The following CALML4 variants were observed in gnomAD, a reference collection of about 807,000 sequenced individuals.
CALML4 encodes calmodulin-like protein 4.
In CALML4, 16 loss-of-function variants were observed where a neutral mutation model predicts 17.9. That is an observed-to-expected ratio of 0.89 (90% CI 0.61 to 1.36). CALML4 has a LOEUF of 1.36. Among genes scored for constraint, CALML4 ranks in the 40% most tolerant of loss-of-function variants. CALML4 has a pLI of 0.00. For missense variants in CALML4, 203 were observed against 194.8 expected (o/e 1.04, Z -0.25); for synonymous variants, 86 against 71.5 (o/e 1.20, Z -1.02).
chr15:68,199,702 G>A, intron 2 of CALML4, 21 bp from the exon 3 acceptor site: 2 of 1,607,146 alleles, frequency 1.2e-6, no homozygotes, highest in Non-Finnish European at 1.7e-6. Flanking sequence ...CCCAGAGGGA[G>A]GGTCAGCAGC....
At chr15:68,194,878 T>TGC (rs548023963) in intron 4 of CALML4, among the ~76,000 whole-genome samples, 67 of 150,914 alleles carry the variant, frequency 4.4e-4, no homozygotes, top group African/African-American at 1.5e-3. Flanking sequence ...TCACCACCTC[T>TGC]GCCCCCACCC....
In CALML4 at chr15:68,205,005, G is replaced by T; in HGVS notation, c.34+116C>A. On this transcript the variant is annotated intron_variant, in intron 2 of 4. Coordinates refer to ENST00000467889, the MANE Select transcript of CALML4 (RefSeq NM_033429.3). The surrounding 1 kb of genome is among the most constrained non-coding windows in gnomAD (Gnocchi z 4.8). ...CTCCCCGCAGCTCTTGGCCCTGGGT[G>T]GGCCCAGCTCTCCCACAGCCACCTT... 8.0e-7 allele frequency: 1 copy of T among 1,252,232 alleles called. No homozygotes were observed. The highest frequency in any genetic ancestry group is 1.5e-5 in the African/African-American group (1 of 67,222). The allele number at this position is 1,252,232 out of a possible 1,614,324, so 77.6% of individuals were successfully genotyped here. A position where few individuals can be genotyped will look rare whatever the true frequency, so the allele number is the denominator to read the frequency against.
Position 68,200,932 on chromosome 15 carries a change from G to A in CALML4, c.35-1251C>T, listed in dbSNP as rs973650865. On this transcript the variant is annotated intron_variant, in intron 2 of 4. Transcript: ENST00000467889. This position sits in a 1 kb window ranked among gnomAD's most constrained non-coding sequence, Gnocchi z 4.3. The stretch of plus-strand genomic sequence containing the variant: ...TGGAACACTGAGAGCCTGGCTGTGG[G>A]CAGCTCTGCCCACCAGGCCACACTG... Among the ~76,000 whole-genome samples, 1 of 152,126 alleles carries A rather than the reference G, an allele frequency of 6.6e-6. No homozygotes were observed. The highest frequency in any genetic ancestry group is 2.4e-5 in the African/African-American group (1 of 41,428).
Position 68,191,515 on chromosome 15 carries a change from T to C in CALML4, c.*2500A>G, listed in dbSNP as rs1171652572. The C allele has an allele frequency of 2.6e-5, 4 of 152,672 alleles. No homozygotes were observed. The highest frequency in any genetic ancestry group is 4.4e-5 in the Non-Finnish European group (3 of 68,044). The allele number at this position is 152,672 out of a possible 1,614,324, so 9.5% of individuals were successfully genotyped here. A position where few individuals can be genotyped will look rare whatever the true frequency, so the allele number is the denominator to read the frequency against. ...TGGATGTTCAAGGGGACAATCCCTA[T>C]GAGACAAGTGATAATGGTTTGTGCT... On this transcript the variant is annotated 3_prime_UTR_variant, in exon 5 of 5. Coordinates refer to ENST00000467889, the MANE Select transcript of CALML4 (RefSeq NM_033429.3).
Position 68,197,331 on chromosome 15 carries a change from T to A in CALML4, c.364+109A>T. 1 of 1,030,672 alleles carries A rather than the reference T, an allele frequency of 9.7e-7. No homozygotes were observed. The highest frequency in any genetic ancestry group is 2.4e-5 in the East Asian group (1 of 41,914). The allele number at this position is 1,030,672 out of a possible 1,614,324, so 63.8% of individuals were successfully genotyped here. On this transcript the variant is annotated intron_variant, in intron 4 of 4. Coordinates refer to ENST00000467889, the MANE Select transcript of CALML4 (RefSeq NM_033429.3). This position sits in a 1 kb window ranked among gnomAD's most constrained non-coding sequence, Gnocchi z 4.1. ...CTGCTCACAGTCTCCTGCGCGCGCA[T>A]CAACAGAGGTGGTCTGTACCACCCT...
In CALML4 at chr15:68,191,265, CTT is replaced by C. The variant is rs1253100947; in HGVS notation, c.*2748_*2749del. On this transcript the variant is annotated 3_prime_UTR_variant, in exon 5 of 5. Coordinates refer to ENST00000467889, the MANE Select transcript of CALML4 (RefSeq NM_033429.3). ...AAATCTGTGATTCATTGCCTTAAAACTTTCTCTCTTAGAATTTCCATACCGCA... is the reference window on the plus strand; with the variant it reads ...AAATCTGTGATTCATTGCCTTAAAACTCTCTCTTAGAATTTCCATACCGCA... 6.6e-6 allele frequency: 1 copy of C among 152,620 alleles called. No individual in the cohort carries two copies. The highest frequency in any genetic ancestry group is 1.5e-5 in the Non-Finnish European group (1 of 68,028). 9.5% of individuals were successfully genotyped at this position (152,620 alleles called of 1,614,324 possible). A position where few individuals can be genotyped will look rare whatever the true frequency, so the allele number is the denominator to read the frequency against.
In CALML4 at chr15:68,205,127, T is replaced by A. The variant is rs1312512675; in HGVS notation, c.28A>T (p.Ile10Phe). Residue 10 changes from isoleucine (I) to phenylalanine (F), a missense_variant, in exon 2 of 5, where the codon ATT becomes TTT. Ile to Phe is a conservative substitution (Grantham distance 21). Transcript: ENST00000467889. This position sits in a 1 kb window ranked among gnomAD's most constrained non-coding sequence, Gnocchi z 4.8. The part of the protein sequence containing the change: MAKFLSQDQ[I>F]NEYKECFSLY... ...AAGAACAAACCCAACCTACCATTAA[T>A]TTGGTCTTGGGAAAGAAACTTGGCC... The A allele has an allele frequency of 6.2e-7, 1 of 1,614,014 alleles. No homozygotes were observed. Among genetic ancestry groups the A allele is most frequent in the Admixed American group, 1.7e-5 (1 of 60,010 alleles).
At position 68,193,559 on chromosome 15, in the gene CALML4, T is replaced by C. The variant is rs1381138763; in HGVS notation, c.*456A>G. On this transcript the variant is annotated 3_prime_UTR_variant, in exon 5 of 5. Coordinates refer to ENST00000467889, the MANE Select transcript of CALML4 (RefSeq NM_033429.3). Reference sequence around the variant, plus strand: ...TGGAAAATCTTGGAAATATGGAAGATGGTTCTAGCCCCCAAATACAGAATA... The same window carrying C: ...TGGAAAATCTTGGAAATATGGAAGACGGTTCTAGCCCCCAAATACAGAATA... 6.5e-6 allele frequency: 1 copy of C among 153,914 alleles called. No individual in the cohort carries two copies. The highest frequency in any genetic ancestry group is 1.4e-5 in the Non-Finnish European group (1 of 69,244). 9.5% of individuals were successfully genotyped at this position (153,914 alleles called of 1,614,324 possible). A position where few individuals can be genotyped will look rare whatever the true frequency, so the allele number is the denominator to read the frequency against.
Position 68,193,858 on chromosome 15 carries a change from C to G in CALML4, c.*157G>C. ...GATCTACTCATACCATGGCTGAAAT[C>G]ATCTATTATTGTTGCTAGTTAGCCT... On this transcript the variant is annotated 3_prime_UTR_variant, in exon 5 of 5. Transcript: ENST00000467889. The G allele has an allele frequency of 1.7e-6, 1 of 596,854 alleles. No individual in the cohort carries two copies. 37.0% of individuals were successfully genotyped at this position (596,854 alleles called of 1,614,324 possible). A position where few individuals can be genotyped will look rare whatever the true frequency, so the allele number is the denominator to read the frequency against.
At chr15:68,199,440 C>CAGAGAG in intron 3 of CALML4, 101 bp downstream of exon 3, 1 of 1,335,370 alleles carries the variant, frequency 7.5e-7, no homozygotes, top group Non-Finnish European at 1.0e-6. Flanking sequence ...GGAGGCCTCC[C>CAGAGAG]TGCCACCTGC....
In CALML4 at chr15:68,193,916, CTG is replaced by C. The variant is rs1201031293; in HGVS notation, c.*97_*98del. 6.5e-6 allele frequency: 5 copies of C among 766,136 alleles called. No homozygotes were observed. The highest frequency in any genetic ancestry group is 8.8e-6 in the Non-Finnish European group (4 of 452,358). The allele number at this position is 766,136 out of a possible 1,614,324, so 47.5% of individuals were successfully genotyped here. On this transcript the variant is annotated 3_prime_UTR_variant, in exon 5 of 5. Transcript: ENST00000467889. The stretch of plus-strand genomic sequence containing the variant: ...ATAGTTGGGTAATGTTGTCTTGCCA[CTG>C]TGTTTGCCATCTCTCCCAAGTGAAA...
In CALML4 at chr15:68,194,126, CATTTA is replaced by C. The variant is rs751864580; in HGVS notation, c.365-19_365-15del. ...AGAGATCATCCACTGCAATAAATCACATTTAATTTTTCAGTTTGGCTTTAGTGTTC... is the reference window on the plus strand; with the variant it reads ...AGAGATCATCCACTGCAATAAATCACATTTTTCAGTTTGGCTTTAGTGTTC... On this transcript the variant is annotated splice_polypyrimidine_tract_variant and intron_variant, in intron 4 of 4. Coordinates refer to ENST00000467889, the MANE Select transcript of CALML4 (RefSeq NM_033429.3). 5.1e-5 allele frequency: 81 copies of C among 1,603,702 alleles called. No individual in the cohort carries two copies. Among genetic ancestry groups the C allele is most frequent in the Non-Finnish European group, 6.4e-5 (75 of 1,171,002 alleles).
At position 68,192,659 on chromosome 15, in the gene CALML4, C is replaced by T. The variant is rs1179129362; in HGVS notation, c.*1356G>A. The T allele has an allele frequency of 6.6e-6, 1 of 152,220 alleles. No homozygotes were observed. The highest frequency in any genetic ancestry group is 1.5e-5 in the Non-Finnish European group (1 of 68,056). 9.4% of individuals were successfully genotyped at this position (152,220 alleles called of 1,614,324 possible). A position where few individuals can be genotyped will look rare whatever the true frequency, so the allele number is the denominator to read the frequency against. On this transcript the variant is annotated 3_prime_UTR_variant, in exon 5 of 5. Transcript: ENST00000467889. ...AGACAGTTGCACTAACACTACAACT[C>T]TTGTTCCCTGCAGTTTTCCCTGTGC...
intron 4 of CALML4, among the ~76,000 whole-genome samples, 165 bp from the exon 5 acceptor site, chr15:68,194,277 C>T (rs1490223094): frequency 1.3e-5 from 2 of 152,190 alleles, no homozygotes; most frequent in African/African-American, 2.4e-5. Context: ...CAACCCATCC[C>T]TGCACTCCTG....
rs1257450486 is a variant in CALML4, at chr15:68,199,428, CAGG to C, written c.175+110_175+112del. 5.7e-6 allele frequency: 7 copies of C among 1,225,746 alleles called. No homozygotes were observed. In the East Asian group the frequency reaches 1.0e-4, roughly 18 times the overall value. 75.9% of individuals were successfully genotyped at this position (1,225,746 alleles called of 1,614,324 possible). The stretch of plus-strand genomic sequence containing the variant: ...TCTGGGGCTGCCACAGCTGGATCCC[CAGG>C]AGGCCTCCCTGCCACCTGCCCCTCA... On this transcript the variant is annotated intron_variant, in intron 3 of 4. Coordinates refer to ENST00000467889, the MANE Select transcript of CALML4 (RefSeq NM_033429.3).
rs374439450 is a variant in CALML4 at position 68,192,567 on chromosome 15, T to C, written c.*1448A>G. 1.3e-5 allele frequency: 2 copies of C among 152,200 alleles called. No individual in the cohort carries two copies. Among genetic ancestry groups the C allele is most frequent in the African/African-American group, 4.8e-5 (2 of 41,450 alleles). 9.4% of individuals were successfully genotyped at this position (152,200 alleles called of 1,614,324 possible). Reference sequence around the variant, plus strand: ...GGAATTCCTCCTCTCCTTGCAGTTATGCTTGGGGAAATGAGAGTCTCCTTC... The same window carrying C: ...GGAATTCCTCCTCTCCTTGCAGTTACGCTTGGGGAAATGAGAGTCTCCTTC... On this transcript the variant is annotated 3_prime_UTR_variant, in exon 5 of 5. Coordinates refer to ENST00000467889, the MANE Select transcript of CALML4 (RefSeq NM_033429.3).
At chr15:68,203,706 C>T (rs1421507773) in intron 2 of CALML4, among the ~76,000 whole-genome samples, 1 of 152,200 alleles carries the variant, frequency 6.6e-6, no homozygotes, top group African/African-American at 2.4e-5. Context: ...TCGCAGCAGC[C>T]TGGTAAGGTG....
At chr15:68,203,192 C>A (rs1304134159) in intron 2 of CALML4, among the ~76,000 whole-genome samples, 1 of 152,086 alleles carries the variant, frequency 6.6e-6, no homozygotes, top group African/African-American at 2.4e-5. Context: ...TCAGGTGATC[C>A]ACATGCCTCG....
In CALML4 at chr15:68,205,226, C is replaced by T. The variant is rs201557113; in HGVS notation, c.3+19G>A. On this transcript the variant is annotated intron_variant, in intron 1 of 4. Coordinates refer to ENST00000467889, the MANE Select transcript of CALML4 (RefSeq NM_033429.3). This position sits in a 1 kb window ranked among gnomAD's most constrained non-coding sequence, Gnocchi z 4.8. Reference sequence around the variant, plus strand: ...ACGCCCCCAGCCCTGGCCAGGCCGACACAGACCCTCACACTCACCATTCTG... The same window carrying T: ...ACGCCCCCAGCCCTGGCCAGGCCGATACAGACCCTCACACTCACCATTCTG... The T allele has an allele frequency of 1.0e-4, 161 of 1,614,142 alleles. No homozygotes were observed. In the African/African-American group the frequency reaches 1.9e-3, roughly 19 times the overall value.
Sources: allele counts gnomAD v4.1 joint callset (sites outside exome capture counted in the v4.1 genomes callset), GRCh38; gene constraint gnomAD v4.1.1; non-coding constraint Gnocchi (gnomAD v3.1); transcripts MANE v1.5; gene names NCBI Gene and HGNC (gene_info 2026-07-23, HGNC 2026-07-21).